Variants in SLC4A9 observed in about 807,000 individuals in gnomAD.
SLC4A9 encodes the protein solute carrier family 4 member 9.
SLC4A9 carries 102 observed loss-of-function variants against 103.2 expected under a neutral mutation model. The observed-to-expected ratio is 0.99, with a 90% CI of 0.84 to 1.17. SLC4A9 has a LOEUF of 1.17. Among genes scored for constraint, SLC4A9 ranks in the 50% most tolerant of loss-of-function variants. SLC4A9 has a pLI of 0.00. For synonymous variants in SLC4A9, 453 were observed against 483.6 expected, an observed-to-expected ratio of 0.94 and a Z score of 0.83; for missense variants, 1,091 against 1,193.7, an observed-to-expected ratio of 0.91 and a Z score of 1.27.
chr5:140,360,553 CT>C, intron 1 of SLC4A9, 87 bp downstream of exon 1: 1 of 1,294,664 alleles, frequency 7.7e-7, no homozygotes. Context: ...TCTTATGGGG[CT>C]GCCCAAAATT....
intron 5 of SLC4A9, 67 bp from the exon 6 acceptor site, chr5:140,362,378 A>T: frequency 6.7e-7 from 1 of 1,487,516 alleles, no homozygotes; most frequent in Non-Finnish European, 9.4e-7. Flanking sequence ...AGAGCTGAGC[A>T]TCAGAGGCCA....
At position 140,363,690 on chromosome 5, in the gene SLC4A9, T is replaced by G; in HGVS notation, c.1080-38T>G. 1 of 1,608,514 alleles carries G rather than the reference T, an allele frequency of 6.2e-7. No homozygotes were observed. Among genetic ancestry groups the G allele is most frequent in the Non-Finnish European group, 8.5e-7 (1 of 1,177,144 alleles). On this transcript the variant is annotated intron_variant, in intron 8 of 21. Coordinates refer to ENST00000506757, the MANE Select transcript of SLC4A9 (RefSeq NM_031467.3). The surrounding 1 kb of genome is among the most constrained non-coding windows in gnomAD (Gnocchi z 4.5). ...AAGTAGCGGGGATGCGGGTGTGGAG[T>G]GTGAAAACCTGGATCACTGACGACC... is the stretch of plus-strand genomic sequence containing the variant.
At chr5:140,362,850 A>G in intron 6 of SLC4A9, 62 bp from the exon 7 acceptor site, 1 of 1,600,248 alleles carries the variant, frequency 6.2e-7, no homozygotes, top group Non-Finnish European at 8.6e-7. Context: ...TTTTGAGACT[A>G]TGAAAATGCA....
Position 140,361,878 on chromosome 5 carries a change from C to T in SLC4A9, c.561+15C>T, listed in dbSNP as rs1478000594. The T allele has an allele frequency of 6.2e-7, 1 of 1,613,322 alleles. No individual in the cohort carries two copies. Among genetic ancestry groups the T allele is most frequent in the Non-Finnish European group, 8.5e-7 (1 of 1,179,512 alleles). ...TGAGGGAACAGGTTTGTGGCCCTTC[C>T]TTGGGGTCCCTTTCCAGTGGCTGGG... On this transcript the variant is annotated intron_variant, in intron 4 of 21. Transcript: ENST00000506757.
At position 140,372,413 on chromosome 5, in the gene SLC4A9, G is replaced by C; in HGVS notation, c.2826+16G>C. 6.2e-7 allele frequency: 1 copy of C among 1,606,846 alleles called. No homozygotes were observed. The highest frequency in any genetic ancestry group is 8.5e-7 in the Non-Finnish European group (1 of 1,178,268). On this transcript the variant is annotated intron_variant, in intron 20 of 21. Coordinates refer to ENST00000506757, the MANE Select transcript of SLC4A9 (RefSeq NM_031467.3). ...CAGTGAAGATGTGAGCTCCAGGCTG[G>C]GTCCTCTCAGGAGAATGTGTCAGGG...
Position 140,367,411 on chromosome 5 carries a change from C to T in SLC4A9, c.2014-9C>T. 1.2e-6 allele frequency: 2 copies of T among 1,610,968 alleles called. No homozygotes were observed. Among genetic ancestry groups the T allele is most frequent in the Non-Finnish European group, 1.7e-6 (2 of 1,178,832 alleles). On this transcript the variant is annotated splice_polypyrimidine_tract_variant and intron_variant, in intron 14 of 21. Coordinates refer to ENST00000506757, the MANE Select transcript of SLC4A9 (RefSeq NM_031467.3). ...CACTCCAACCTGTCCATGAAATGCC[C>T]TCCTCCAGCCCACACTCCCTGGGCG...
At chr5:140,367,190 G>A (rs1648892627) in intron 14 of SLC4A9, among the ~76,000 whole-genome samples, 1 of 152,192 alleles carries the variant, frequency 6.6e-6, no homozygotes, top group Non-Finnish European at 1.5e-5. Context: ...GAGGGACCCT[G>A]AACCAAAGTC....
chr5:140,371,506 T>G lies in SLC4A9; in HGVS notation c.2552T>G (p.Leu851Arg). The G allele has an allele frequency of 1.2e-6, 2 of 1,614,060 alleles. No individual in the cohort carries two copies. Among genetic ancestry groups the G allele is most frequent in the African/African-American group, 2.7e-5 (2 of 75,064 alleles). Reference sequence around the variant, plus strand: ...CCAGCAAAACACCAGCCAGACCTGCTACTCTTGCGGCATGTGCCTCTGACC... The same window carrying G: ...CCAGCAAAACACCAGCCAGACCTGCGACTCTTGCGGCATGTGCCTCTGACC... ...LMPAKHQPDL[L>R]LLRHVPLTRV... The change falls in exon 19 of 22, where the codon CTA becomes CGA. Residue 851 changes from leucine (L) to arginine (R), a missense_variant. Coordinates refer to ENST00000506757, the MANE Select transcript of SLC4A9 (RefSeq NM_031467.3).
intron 17 of SLC4A9, among the ~76,000 whole-genome samples, chr5:140,369,417 G>A (rs1358306948): frequency 2.0e-5 from 3 of 152,204 alleles, no homozygotes; most frequent in African/African-American, 4.8e-5. Flanking sequence ...AGAAGTACGG[G>A]TCAGTGGAAT....
Position 140,363,361 on chromosome 5 carries a change from C to A in SLC4A9, c.963-78C>A. 6 of 1,319,184 alleles carry A rather than the reference C, an allele frequency of 4.5e-6. No individual in the cohort carries two copies. The highest frequency in any genetic ancestry group is 2.5e-5 in the East Asian group (1 of 39,588). The allele number at this position is 1,319,184 out of a possible 1,614,324, so 81.7% of individuals were successfully genotyped here. A position where few individuals can be genotyped will look rare whatever the true frequency, so the allele number is the denominator to read the frequency against. The stretch of plus-strand genomic sequence containing the variant: ...AGAGACAAGAGCAGCCGCTAGGGGG[C>A]AGGGCGCCACGAGCTCTGGACCGAG... On this transcript the variant is annotated intron_variant, in intron 7 of 21. Transcript: ENST00000506757. This position sits in a 1 kb window ranked among gnomAD's most constrained non-coding sequence, Gnocchi z 4.5.
In SLC4A9 at chr5:140,362,897, T is replaced by C; in HGVS notation, c.808-15T>C. On this transcript the variant is annotated splice_polypyrimidine_tract_variant and intron_variant, in intron 6 of 21. Coordinates refer to ENST00000506757, the MANE Select transcript of SLC4A9 (RefSeq NM_031467.3). Reference sequence around the variant, plus strand: ...AGGTTTGCACTTACCACCCATTCTGTGCCCCCATTCCCAGCAATTCCAGTG... The same window carrying C: ...AGGTTTGCACTTACCACCCATTCTGCGCCCCCATTCCCAGCAATTCCAGTG... The C allele has an allele frequency of 3.1e-6, 5 of 1,614,002 alleles. No individual in the cohort carries two copies. Among genetic ancestry groups the C allele is most frequent in the Non-Finnish European group, 4.2e-6 (5 of 1,179,888 alleles).
At chr5:140,365,422 A>G in intron 11 of SLC4A9, 98 bp from the exon 12 acceptor site, 1 of 998,124 alleles carries the variant, frequency 1.0e-6, no homozygotes, top group Non-Finnish European at 1.5e-6. Context: ...ACAATTAAGA[A>G]CTCTGGTTCA....
At position 140,361,340 on chromosome 5, in the gene SLC4A9, C is replaced by T; in HGVS notation, c.478C>T (p.Gln160Ter). The change falls in exon 3 of 22, where the codon CAG becomes TAG. Residue 160 changes from glutamine to a stop codon, truncating the protein, a stop_gained. Coordinates refer to ENST00000506757, the MANE Select transcript of SLC4A9 (RefSeq NM_031467.3). LOFTEE classifies it high-confidence loss of function. ...GCTGCAGAGACCCCAGCATTACAACCAGACCACAGGCACCAGGCCCTGCTG... is the reference window on the plus strand; with the variant it reads ...GCTGCAGAGACCCCAGCATTACAACTAGACCACAGGCACCAGGCCCTGCTG... ...LLLQRPQHYN[Q>*]TTGTRPCWGS... 3.8e-6 allele frequency: 6 copies of T among 1,562,276 alleles called. No individual in the cohort carries two copies. Among genetic ancestry groups the T allele is most frequent in the Non-Finnish European group, 5.2e-6 (6 of 1,153,086 alleles).
At chr5:140,368,467 G>C (rs1252545931) in intron 16 of SLC4A9, 120 bp from the exon 17 acceptor site, 2 of 724,814 alleles carry the variant, frequency 2.8e-6, no homozygotes, top group South Asian at 2.3e-5. Flanking sequence ...GTGACCTACT[G>C]GGGTATTCCT....
chr5:140,365,731 C>A, intron 12 of SLC4A9, 103 bp from the exon 13 acceptor site: 1 of 1,430,690 alleles, frequency 7.0e-7, no homozygotes, highest in Non-Finnish European at 9.6e-7. Context: ...CCATCCTGGG[C>A]CCCTGGTGTC....
intron 20 of SLC4A9, 53 bp downstream of exon 20, chr5:140,372,450 G>A (rs762568870): frequency 4.9e-5 from 77 of 1,586,214 alleles, no homozygotes; most frequent in Non-Finnish European, 6.1e-5. Flanking sequence ...TTGGGAGAGC[G>A]TTCTTGTCCA....
intron 17 of SLC4A9, among the ~76,000 whole-genome samples, chr5:140,369,965 G>A (rs1055231833): frequency 1.3e-5 from 2 of 151,934 alleles, no homozygotes; most frequent in Non-Finnish European, 2.9e-5. Context: ...TTGTGACACT[G>A]GACTCCAGCC....
intron 5 of SLC4A9, 65 bp downstream of exon 5, chr5:140,362,239 G>A: frequency 7.0e-7 from 1 of 1,437,032 alleles, no homozygotes; most frequent in Non-Finnish European, 9.3e-7. Flanking sequence ...ACTGAGGAGG[G>A]GAAGGAGGGT....
At chr5:140,372,872 G>A (rs2126801666) in intron 21 of SLC4A9, 29 bp downstream of exon 21, 1 of 1,355,892 alleles carries the variant, frequency 7.4e-7, no homozygotes, top group Admixed American at 2.5e-5. Context: ...TGCTCCTGAT[G>A]TTGAGGATGG....
Sources: gnomAD v4.1 joint callset for allele counts (sites outside exome capture counted in the v4.1 genomes callset) on GRCh38, gnomAD v4.1.1 for gene constraint, Gnocchi (gnomAD v3.1) non-coding constraint, MANE v1.5 for transcripts, NCBI Gene and HGNC (gene_info 2026-07-23, HGNC 2026-07-21) for gene names.